LGSN: variants seen among roughly 807,000 people sequenced by gnomAD.
LGSN encodes the protein lengsin, lens protein with glutamine synthetase domain.
Under a neutral mutation model 19.5 loss-of-function variants are expected in LGSN, and 21 were observed. That is an observed-to-expected ratio of 1.07 (90% CI 0.76 to 1.55). The LOEUF (loss-of-function observed/expected upper bound fraction) is 1.55, where lower values mean the gene tolerates loss of function less well. Among genes scored for constraint, LGSN ranks in the 40% most tolerant of loss-of-function variants. The probability of loss-of-function intolerance (pLI) is 0.00; values close to 1 mark genes in which losing one functional copy is unlikely to be tolerated. For synonymous variants in LGSN, 257 were observed against 215.6 expected, an observed-to-expected ratio of 1.19 and a Z score of -1.68; for missense variants, 673 against 608.5, an observed-to-expected ratio of 1.11 and a Z score of -1.12.
intron 1 of LGSN, among the ~76,000 whole-genome samples, chr6:63,295,603 T>C (rs1225831575): frequency 1.3e-5 from 2 of 152,214 alleles, no homozygotes; most frequent in Admixed American, 1.3e-4. Flanking sequence ...GTATTTTATA[T>C]GTGTAAAACA....
the LGSN span, among the ~76,000 whole-genome samples, chr6:63,426,665 G>A: frequency 2.0e-5 from 3 of 152,056 alleles, no homozygotes; most frequent in African/African-American, 4.8e-5. Flanking sequence ...CAGGTGTGGT[G>A]CCAATATGCC....
At chr6:63,351,047 G>A in the LGSN span, among the ~76,000 whole-genome samples, 1 of 152,122 alleles carries the variant, frequency 6.6e-6, no homozygotes, top group Non-Finnish European at 1.5e-5. Context: ...AACATAAGAG[G>A]TGGGTCCTTT....
At chr6:63,306,577 T>C (rs1245826541) in intron 1 of LGSN, among the ~76,000 whole-genome samples, 5 of 152,096 alleles carry the variant, frequency 3.3e-5, no homozygotes, top group African/African-American at 1.2e-4. Context: ...TAAAACATGA[T>C]TCACAAAGAA....
chr6:63,424,524 CACACACACACACACAT>C, the LGSN span, among the ~76,000 whole-genome samples: 1 of 149,616 alleles, frequency 6.7e-6, no homozygotes, highest in African/African-American at 2.6e-5. Flanking sequence ...CACACACACA[CACACACACACACACAT>C]ACAAAACAGT....
At chr6:63,374,455 A>G in the LGSN span, among the ~76,000 whole-genome samples, 2 of 152,210 alleles carry the variant, frequency 1.3e-5, no homozygotes, top group Non-Finnish European at 2.9e-5. Context: ...CAATTCTAAG[A>G]TGTCATTGAT....
the LGSN span, among the ~76,000 whole-genome samples, chr6:63,336,557 G>GTATATATATATATA: frequency 8.8e-5 from 12 of 136,098 alleles, no homozygotes; most frequent in African/African-American, 3.5e-4. Context: ...GTGTGTGTGT[G>GTATATATATATATA]TGTGTATATA....
chr6:63,545,498 C>T, the LGSN span, among the ~76,000 whole-genome samples: 1 of 152,010 alleles, frequency 6.6e-6, no homozygotes, highest in Non-Finnish European at 1.5e-5. Flanking sequence ...GTAATCCCAG[C>T]TACTTGGGAG....
the LGSN span, among the ~76,000 whole-genome samples, chr6:63,426,458 C>T: frequency 2.6e-5 from 4 of 152,102 alleles, no homozygotes; most frequent in Admixed American, 6.6e-5. Flanking sequence ...TTTCCTTGTG[C>T]CTGAGTGTAA....
At chr6:63,389,314 AT>A in the LGSN span, among the ~76,000 whole-genome samples, 3 of 152,202 alleles carry the variant, frequency 2.0e-5, no homozygotes, top group Non-Finnish European at 4.4e-5. Context: ...CTTACCTTAC[AT>A]TTTCAGATAG....
At chr6:63,312,954 T>C (rs1394378575) in intron 1 of LGSN, among the ~76,000 whole-genome samples, 1 of 152,066 alleles carries the variant, frequency 6.6e-6, no homozygotes, top group Non-Finnish European at 1.5e-5. Flanking sequence ...GCATATGGAA[T>C]CTAAGGTGAT....
the LGSN span, among the ~76,000 whole-genome samples, chr6:63,510,452 C>A: frequency 8.0e-6 from 1 of 124,280 alleles, no homozygotes; most frequent in Non-Finnish European, 1.7e-5. Context: ...GACTACCTTT[C>A]TTTTTTTTTT....
the LGSN span, among the ~76,000 whole-genome samples, chr6:63,390,623 G>A: frequency 4.4e-4 from 66 of 151,466 alleles, no homozygotes; most frequent in African/African-American, 1.3e-3. Context: ...TTGGGAGGCC[G>A]AGGCGGGCGG....
intron 1 of LGSN, among the ~76,000 whole-genome samples, chr6:63,314,176 T>C (rs1217170855): frequency 6.6e-6 from 1 of 152,034 alleles, no homozygotes; most frequent in East Asian, 1.9e-4. Flanking sequence ...TGTTAGGAGG[T>C]AGAGCCTTCG....
At chr6:63,412,483 G>A in the LGSN span, among the ~76,000 whole-genome samples, 2 of 52,870 alleles carry the variant, frequency 3.8e-5, no homozygotes, top group East Asian at 5.7e-4. Flanking sequence ...AGAAGAAAGA[G>A]AAGAAAGAAA....
the LGSN span, among the ~76,000 whole-genome samples, chr6:63,533,318 G>T: frequency 6.6e-6 from 1 of 152,158 alleles, no homozygotes; most frequent in Admixed American, 6.5e-5. Context: ...GGAGGCAGAG[G>T]TTACAGTGAG....
chr6:63,422,105 C>A, the LGSN span, among the ~76,000 whole-genome samples: 1 of 152,056 alleles, frequency 6.6e-6, no homozygotes, highest in African/African-American at 2.4e-5. Context: ...TGTCTGTCGC[C>A]CAGGCTGGAG....
At chr6:63,281,968 T>C (rs911905861) in intron 3 of LGSN, among the ~76,000 whole-genome samples, 1 of 152,206 alleles carries the variant, frequency 6.6e-6, no homozygotes, top group African/African-American at 2.4e-5. Context: ...CCTAGCTCTT[T>C]CGTTAATTGC....
At chr6:63,466,770 C>T in the LGSN span, among the ~76,000 whole-genome samples, 1 of 151,904 alleles carries the variant, frequency 6.6e-6, no homozygotes, top group Admixed American at 6.6e-5. Context: ...TGGCATTTAC[C>T]AAGACTATGG....
the LGSN span, among the ~76,000 whole-genome samples, chr6:63,470,172 G>A: frequency 1.5e-4 from 23 of 151,910 alleles, 2 homozygotes; most frequent in Admixed American, 5.9e-4. Flanking sequence ...AGGCAGGCAC[G>A]CACTCAGACT....
Sources: gnomAD v4.1 joint callset for allele counts (sites outside exome capture counted in the v4.1 genomes callset) on GRCh38, gnomAD v4.1.1 for gene constraint, MANE v1.5 for transcripts, NCBI Gene and HGNC (gene_info 2026-07-23, HGNC 2026-07-21) for gene names.